PPM1H: variants seen among roughly 807,000 people sequenced by gnomAD.
PPM1H encodes protein phosphatase 1H.
Under a neutral mutation model 54.9 loss-of-function variants are expected in PPM1H, and 27 were observed. The observed-to-expected ratio is 0.49, with a 90% CI of 0.36 to 0.68. PPM1H has a LOEUF of 0.68. Among genes scored for constraint, PPM1H ranks in the 30% least tolerant of loss-of-function variants. PPM1H has a pLI of 0.00. For missense variants in PPM1H, 596 were observed against 667.8 expected (o/e 0.89, Z 1.19); for synonymous variants, 305 against 270.8 (o/e 1.13, Z -1.24).
chr12:62,895,332 T>C (rs1368222499), intron 1 of PPM1H, among the ~76,000 whole-genome samples: 1 of 152,224 alleles, frequency 6.6e-6, no homozygotes, highest in Non-Finnish European at 1.5e-5. Context: ...GTGGTATTGG[T>C]TCATTTTGGA....
At chr12:62,862,322 C>T (rs537654600) in intron 1 of PPM1H, among the ~76,000 whole-genome samples, 1 of 152,182 alleles carries the variant, frequency 6.6e-6, no homozygotes, top group South Asian at 2.1e-4. Context: ...GAAAACAAGG[C>T]CTTTGAGAGA....
At position 62,717,986 on chromosome 12, in the gene PPM1H, G is replaced by A. The variant is rs2076244419; in HGVS notation, c.1073+2185C>T. 3.3e-5 allele frequency among the ~76,000 whole-genome samples: 5 copies of A among 152,300 alleles called. No homozygotes were observed. In the South Asian group the frequency reaches 1.0e-3, roughly 32 times the overall value. ...GTTTTGACTACTTTAGATCTAATTT[G>A]CCTTTCTGGCATAGAAAGAACATAG... On this transcript the variant is annotated intron_variant, in intron 6 of 9. Transcript: ENST00000228705.
intron 1 of PPM1H, among the ~76,000 whole-genome samples, chr12:62,869,589 A>G (rs932514786): frequency 2.6e-5 from 4 of 152,094 alleles, no homozygotes; most frequent in African/African-American, 9.7e-5. Flanking sequence ...CAAAACCACT[A>G]CCACATAAAA....
intron 7 of PPM1H, among the ~76,000 whole-genome samples, chr12:62,690,726 C>CT (rs1306417079): frequency 6.6e-6 from 1 of 152,158 alleles, no homozygotes; most frequent in Non-Finnish European, 1.5e-5. Context: ...AATCCCAGCA[C>CT]TTTGGGAGGC....
Position 62,892,977 on chromosome 12 carries a change from A to G in PPM1H, c.245+41515T>C, listed in dbSNP as rs2121087357. ...TGTGACTTGCTTTCAGCAACAGAAC[A>G]TGGCAGAAGTGAGATTCTGAGACTT... is the stretch of plus-strand genomic sequence containing the variant. On this transcript the variant is annotated intron_variant, in intron 1 of 9. Transcript: ENST00000228705. Among the ~76,000 whole-genome samples the G allele has an allele frequency of 2.0e-5, 3 of 152,346 alleles. No homozygotes were observed. The South Asian group carries it at 6.2e-4, about 32-fold the overall frequency.
intron 1 of PPM1H, among the ~76,000 whole-genome samples, chr12:62,927,691 A>G (rs1420144136): frequency 4.6e-5 from 7 of 151,990 alleles, no homozygotes. Context: ...GAAAAAGAAA[A>G]AAGAAAATAA....
intron 6 of PPM1H, among the ~76,000 whole-genome samples, chr12:62,709,372 C>T (rs1156347567): frequency 1.3e-5 from 2 of 152,178 alleles, no homozygotes; most frequent in Non-Finnish European, 2.9e-5. Flanking sequence ...CCTGCTGCAG[C>T]CCAGCTGGGG....
intron 1 of PPM1H, among the ~76,000 whole-genome samples, chr12:62,854,270 G>A (rs1030337953): frequency 6.6e-6 from 1 of 152,154 alleles, no homozygotes; most frequent in African/African-American, 2.4e-5. Flanking sequence ...TAACCGCAAT[G>A]GATGGCCACC....
intron 3 of PPM1H, among the ~76,000 whole-genome samples, chr12:62,791,405 C>T (rs974711642): frequency 6.6e-6 from 1 of 152,110 alleles, no homozygotes; most frequent in East Asian, 1.9e-4. Flanking sequence ...CCAAACCCTA[C>T]TAAGGGGTTT....
At chr12:62,763,650 T>C in intron 4 of PPM1H, among the ~76,000 whole-genome samples, 1 of 152,230 alleles carries the variant, frequency 6.6e-6, no homozygotes, top group East Asian at 1.9e-4. Flanking sequence ...CTCTAAAACT[T>C]ATTGCAGATC....
chr12:62,717,392 C>G (rs1249818368), intron 6 of PPM1H, among the ~76,000 whole-genome samples: 1 of 151,766 alleles, frequency 6.6e-6, no homozygotes, highest in Non-Finnish European at 1.5e-5. Flanking sequence ...CTGTGAAGTT[C>G]TATACAATTA....
chr12:62,672,097 C>T (rs988654298), intron 8 of PPM1H, among the ~76,000 whole-genome samples: 4 of 152,092 alleles, frequency 2.6e-5, no homozygotes, highest in Non-Finnish European at 4.4e-5. Flanking sequence ...GAATAATCGT[C>T]GAAACTGATT....
chr12:62,755,576 G>C (rs2076468635), intron 4 of PPM1H: 1 of 659,688 alleles, frequency 1.5e-6, no homozygotes, highest in African/African-American at 1.8e-5. Context: ...GGAGCCAAAA[G>C]GGTCATCATC....
intron 3 of PPM1H, among the ~76,000 whole-genome samples, chr12:62,797,478 A>C (rs1034189719): frequency 2.2e-4 from 33 of 152,146 alleles, no homozygotes; most frequent in African/African-American, 7.5e-4. Context: ...AAAATTAGAG[A>C]GTGGGTGGCT....
chr12:62,804,679 T>TC lies in PPM1H; in HGVS notation c.412-2520_412-2519insG, dbSNP rs1190120892. Reference sequence around the variant, plus strand: ...TTTGGTTAATTTCTTTTTTTTTCTTTTTTTTTTTTTTTTTGAGACGGAGTC... The same window carrying TC: ...TTTGGTTAATTTCTTTTTTTTTCTTTCTTTTTTTTTTTTTTGAGACGGAGTC... On this transcript the variant is annotated intron_variant, in intron 2 of 9. Transcript: ENST00000228705. 4.3e-3 allele frequency among the ~76,000 whole-genome samples: 602 copies of TC among 141,416 alleles called. 10 individuals carry two copies. The highest frequency in any genetic ancestry group is 0.016 in the African/African-American group (584 of 37,132). 92.8% of individuals were successfully genotyped at this position (141,416 alleles called of 152,430 possible).
intron 8 of PPM1H, among the ~76,000 whole-genome samples, chr12:62,688,766 C>T (rs374129154): frequency 5.3e-5 from 8 of 152,096 alleles, no homozygotes; most frequent in African/African-American, 1.7e-4. Context: ...GAGGCTGAGA[C>T]GGGTGGATCA....
chr12:62,924,585 T>C (rs927130980), intron 1 of PPM1H, among the ~76,000 whole-genome samples: 2 of 152,216 alleles, frequency 1.3e-5, no homozygotes, highest in African/African-American at 4.8e-5. Context: ...TTATTTTTTC[T>C]AAGCTTTTCT....
rs1198717153 is a variant in PPM1H, at chr12:62,831,049, T to G, written c.411+1065A>C. ...TTTGTATTTTTAGTAGAGATGGGGT[T>G]TCACCATGTTAGCCAGGATGGTCTG... is the stretch of plus-strand genomic sequence containing the variant. On this transcript the variant is annotated intron_variant, in intron 2 of 9. Coordinates refer to ENST00000228705, the MANE Select transcript of PPM1H (RefSeq NM_020700.2). 4.0e-5 allele frequency among the ~76,000 whole-genome samples: 6 copies of G among 151,320 alleles called. No individual in the cohort carries two copies. The East Asian group carries it at 5.9e-4, about 15-fold the overall frequency.
At chr12:62,867,120 G>C (rs550703326) in intron 1 of PPM1H, among the ~76,000 whole-genome samples, 1 of 152,080 alleles carries the variant, frequency 6.6e-6, no homozygotes, top group Non-Finnish European at 1.5e-5. Context: ...GACAGTGCAT[G>C]GTAATTTGTA....
Sources: allele counts gnomAD v4.1 joint callset (sites outside exome capture counted in the v4.1 genomes callset), GRCh38; gene constraint gnomAD v4.1.1; transcripts MANE v1.5; gene names NCBI Gene and HGNC (gene_info 2026-07-23, HGNC 2026-07-21).